The following PLXNB2 variants were observed in gnomAD, a reference collection of about 807,000 sequenced individuals.
The protein encoded by PLXNB2 is plexin-B2.
Under a neutral mutation model 202.6 loss-of-function variants are expected in PLXNB2, and 85 were observed. The ratio of observed to expected loss-of-function variants is 0.42; its 90% CI spans 0.35 to 0.50. The LOEUF (loss-of-function observed/expected upper bound fraction) is 0.50, where lower values mean the gene tolerates loss of function less well. PLXNB2 is among the 20% of genes least tolerant of loss of function. PLXNB2 has a pLI of 0.02. For synonymous variants in PLXNB2, 1,239 were observed against 1,137.6 expected, an observed-to-expected ratio of 1.09 and a Z score of -1.79; for missense variants, 2,063 against 2,586.2, an observed-to-expected ratio of 0.80 and a Z score of 4.39.
In PLXNB2 at chr22:50,278,706, G is replaced by A; in HGVS notation, c.4547-10C>T. The A allele has an allele frequency of 6.2e-7, 1 of 1,606,308 alleles. No homozygotes were observed. The highest frequency in any genetic ancestry group is 8.5e-7 in the Non-Finnish European group (1 of 1,177,228). On this transcript the variant is annotated splice_polypyrimidine_tract_variant and intron_variant, in intron 28 of 36. Transcript: ENST00000359337. Reference sequence around the variant, plus strand: ...GAGCCCGGACGCCACTCTGTGGGAAGAGACAGCCCAGCTTGGGCCCCAGCC... The same window carrying A: ...GAGCCCGGACGCCACTCTGTGGGAAAAGACAGCCCAGCTTGGGCCCCAGCC...
chr22:50,287,626 G>C, intron 7 of PLXNB2, 41 bp downstream of exon 7: 2 of 1,514,416 alleles, frequency 1.3e-6, no homozygotes, highest in Non-Finnish European at 1.8e-6. Context: ...CACCTGGCCC[G>C]GCCTGGGGCC....
At chr22:50,299,359 C>G (rs1401980783) in intron 1 of PLXNB2, among the ~76,000 whole-genome samples, 1 of 151,874 alleles carries the variant, frequency 6.6e-6, no homozygotes, top group Non-Finnish European at 1.5e-5. Flanking sequence ...GAGCGATAGG[C>G]TGCCCCAAGC....
chr22:50,288,031 G>A lies in PLXNB2; in HGVS notation c.1387C>T (p.Arg463Trp), dbSNP rs988685059. Residue 463 changes from arginine (R) to tryptophan (W), a missense_variant, in exon 6 of 37, where the codon CGG (arginine) becomes TGG (tryptophan). This residue lies in a region of PLXNB2 where 1,303 missense variants were observed against 1,476.8 expected (regional missense o/e 0.88). Transcript: ENST00000359337. The surrounding 1 kb of genome is among the most constrained non-coding windows in gnomAD (Gnocchi z 5.0). ...LYAMTQDKVF[R>W]LPVQECLSYP... ...CTCAGGCACTCCTGCACCGGCAGCC[G>A]GAACACCTAGGGCAGCGGGGCCGTG... 2.8e-5 allele frequency: 44 copies of A among 1,557,258 alleles called. No homozygotes were observed. Among genetic ancestry groups the A allele is most frequent in the African/African-American group, 6.8e-5 (5 of 73,270 alleles).
At position 50,306,772 on chromosome 22, in the gene PLXNB2, G is replaced by A. The variant is rs552790631; in HGVS notation, c.-74+781C>T. On this transcript the variant is annotated intron_variant, in intron 1 of 36. Transcript: ENST00000359337. Reference sequence around the variant, plus strand: ...CTGCCACAGCCCACAGTGGGCAGACGGACCCCTTTCTTCCTTTCCCAGGGA... The same window carrying A: ...CTGCCACAGCCCACAGTGGGCAGACAGACCCCTTTCTTCCTTTCCCAGGGA... Among the ~76,000 whole-genome samples the A allele has an allele frequency of 3.8e-4, 58 of 152,190 alleles. 1 individual carries two copies. The highest frequency in any genetic ancestry group is 6.2e-4 in the South Asian group (3 of 4,826).
At position 50,282,391 on chromosome 22, in the gene PLXNB2, C is replaced by T. The variant is rs373002205; in HGVS notation, c.2988-78G>A. The T allele has an allele frequency of 7.5e-3, 11,042 of 1,478,654 alleles. 63 individuals are homozygous for T. The highest frequency in any genetic ancestry group is 9.4e-3 in the Non-Finnish European group (10,352 of 1,101,610). The allele number at this position is 1,478,654 out of a possible 1,614,324, so 91.6% of individuals were successfully genotyped here. On this transcript the variant is annotated intron_variant, in intron 18 of 36. Transcript: ENST00000359337. ...CCTCCGCCCTCCCGTCCCCGCCCAC[C>T]CTGGCCCTGACCACACGGGGCTTCC...
In PLXNB2 at chr22:50,302,620, T is replaced by A. The variant is rs538380935; in HGVS notation, c.-74+4933A>T. On this transcript the variant is annotated intron_variant, in intron 1 of 36. Transcript: ENST00000359337. Reference sequence around the variant, plus strand: ...TAACATCCTTTTCTCCTGAAGTCCCTCAGGGTGGTCACCAGATCAGGCTCG... The same window carrying A: ...TAACATCCTTTTCTCCTGAAGTCCCACAGGGTGGTCACCAGATCAGGCTCG... 5.6e-4 allele frequency among the ~76,000 whole-genome samples: 86 copies of A among 152,234 alleles called. 1 individual carries two copies. In the South Asian group the frequency reaches 0.017, roughly 31 times the overall value.
In PLXNB2 at chr22:50,285,796, G is replaced by A. The variant is rs1421837954; in HGVS notation, c.2088+4C>T. ...GTCACCAGCCGGCACCCCTCCCTCCGCACCTTCACGGTGTCCAGGTTCTTG... is the reference window on the plus strand; with the variant it reads ...GTCACCAGCCGGCACCCCTCCCTCCACACCTTCACGGTGTCCAGGTTCTTG... On this transcript the variant is annotated splice_donor_region_variant and intron_variant, in intron 11 of 36. Coordinates refer to ENST00000359337, the MANE Select transcript of PLXNB2 (RefSeq NM_012401.4). 3.8e-6 allele frequency: 6 copies of A among 1,597,402 alleles called. No individual in the cohort carries two copies. Among genetic ancestry groups the A allele is most frequent in the Non-Finnish European group, 5.1e-6 (6 of 1,170,468 alleles).
chr22:50,300,052 G>A (rs1348075337), intron 1 of PLXNB2, among the ~76,000 whole-genome samples: 1 of 152,108 alleles, frequency 6.6e-6, no homozygotes, highest in African/African-American at 2.4e-5. Flanking sequence ...CCCCCCGCGA[G>A]CCCAAGCTCC....
At position 50,297,554 on chromosome 22, in the gene PLXNB2, C is replaced by T. The variant is rs1202176415; in HGVS notation, c.-73-2776G>A. Reference sequence around the variant, plus strand: ...CCTGGCCCAAGTCTACCTCCTCTGCCCGGCCTCTGGCTTCTCCCACCTCCA... The same window carrying T: ...CCTGGCCCAAGTCTACCTCCTCTGCTCGGCCTCTGGCTTCTCCCACCTCCA... On this transcript the variant is annotated intron_variant, in intron 1 of 36. Transcript: ENST00000359337. This position sits in a 1 kb window ranked among gnomAD's most constrained non-coding sequence, Gnocchi z 5.3. Among the ~76,000 whole-genome samples the T allele has an allele frequency of 6.6e-6, 1 of 152,184 alleles. No individual in the cohort carries two copies. The highest frequency in any genetic ancestry group is 1.5e-5 in the Non-Finnish European group (1 of 68,032).
rs991634483 is a variant in PLXNB2, at chr22:50,291,647, T to C, written c.-13-1050A>G. On this transcript the variant is annotated intron_variant, in intron 2 of 36. Transcript: ENST00000359337. The surrounding 1 kb of genome is among the most constrained non-coding windows in gnomAD (Gnocchi z 4.3). ...GACACAAGTGGCAGAGACAGGGCCC[T>C]TCTGCCTCTGAGCTCTTCCTCAGGG... is the stretch of plus-strand genomic sequence containing the variant. 4.6e-5 allele frequency among the ~76,000 whole-genome samples: 7 copies of C among 152,074 alleles called. No individual in the cohort carries two copies. The highest frequency in any genetic ancestry group is 1.7e-4 in the African/African-American group (7 of 41,398).
chr22:50,275,955 C>T lies in PLXNB2; in HGVS notation c.5346G>A (p.Thr1782=), dbSNP rs758097644. 1.3e-5 allele frequency: 21 copies of T among 1,612,394 alleles called. No homozygotes were observed. Among genetic ancestry groups the T allele is most frequent in the East Asian group, 6.7e-5 (3 of 44,872 alleles). The change falls in exon 36 of 37, where the codon ACG becomes ACA. Residue 1782 remains threonine (T), a synonymous_variant. Coordinates refer to ENST00000359337, the MANE Select transcript of PLXNB2 (RefSeq NM_012401.4). The stretch of plus-strand genomic sequence containing the variant: ...GTGCCACGAGGGTGTTCAAGGAGTC[C>T]GTGTGCGCCTGGGGGGTGACGGGAC... ...THLAEISRAH[T]DSLNTLVALH...
chr22:50,282,662 GGC>G lies in PLXNB2; in HGVS notation c.2987+47_2987+48del, dbSNP rs2066090822. 4 of 1,362,128 alleles carry G rather than the reference GGC, an allele frequency of 2.9e-6. No homozygotes were observed. The East Asian group carries it at 9.8e-5, about 33-fold the overall frequency. The allele number at this position is 1,362,128 out of a possible 1,614,324, so 84.4% of individuals were successfully genotyped here. ...CACAGTCAGCCAAGGGCACTGAGGA[GGC>G]AGCTGGGTGTGGGGAGCAGAGGGGG... On this transcript the variant is annotated intron_variant, in intron 18 of 36. Transcript: ENST00000359337.
intron 25 of PLXNB2, 129 bp downstream of exon 25, chr22:50,280,360 A>T: frequency 1.2e-6 from 1 of 854,138 alleles, no homozygotes; most frequent in Non-Finnish European, 1.7e-6. Context: ...ACCGCCCCCC[A>T]CCACCAGCGC....
chr22:50,300,531 C>G (rs538045070), intron 1 of PLXNB2, among the ~76,000 whole-genome samples: 3 of 152,280 alleles, frequency 2.0e-5, no homozygotes, highest in Admixed American at 2.0e-4. Flanking sequence ...CGGCACAACC[C>G]GACCTAGGAG....
intron 7 of PLXNB2, 83 bp downstream of exon 7, chr22:50,287,584 T>G: frequency 7.4e-7 from 1 of 1,343,900 alleles, no homozygotes; most frequent in Non-Finnish European, 1.0e-6. Context: ...CTCCCCTGCC[T>G]GTCCCAACAG....
At chr22:50,295,010 C>T (rs1257599304) in intron 1 of PLXNB2, among the ~76,000 whole-genome samples, 1 of 152,194 alleles carries the variant, frequency 6.6e-6, no homozygotes, top group African/African-American at 2.4e-5. Context: ...ATGGCTATTA[C>T]TTTGCTTAAA....
intron 8 of PLXNB2, 35 bp from the exon 9 acceptor site, chr22:50,286,322 G>A (rs201498899): frequency 2.1e-5 from 31 of 1,500,346 alleles, no homozygotes; most frequent in Non-Finnish European, 2.6e-5. Context: ...TCAAGGTGGC[G>A]GCCGCAGGGC....
At chr22:50,282,112 G>A (rs760241347) in intron 19 of PLXNB2, 31 bp from the exon 20 acceptor site, 8 of 1,605,888 alleles carry the variant, frequency 5.0e-6, no homozygotes, top group Non-Finnish European at 5.1e-6. Flanking sequence ...TCAGCCCCCG[G>A]GCGCAGACCC....
In PLXNB2 at chr22:50,281,342, G is replaced by GC. The variant is rs1454464765; in HGVS notation, c.3662+17dup. ...GCCGAGGGCTCAGGGTGTTGGCACA[G>GC]CCGGGGGGCGGGCTCACCAGTAGCA... On this transcript the variant is annotated intron_variant, in intron 22 of 36. Transcript: ENST00000359337. The GC allele has an allele frequency of 1.9e-6, 3 of 1,610,696 alleles. No homozygotes were observed. Among genetic ancestry groups the GC allele is most frequent in the East Asian group, 2.2e-5 (1 of 44,790 alleles).
Sources: allele counts gnomAD v4.1 joint callset (sites outside exome capture counted in the v4.1 genomes callset), GRCh38; gene constraint gnomAD v4.1.1; regional missense constraint gnomAD v4.1.1; non-coding constraint Gnocchi (gnomAD v3.1); transcripts MANE v1.5; gene names NCBI Gene and HGNC (gene_info 2026-07-23, HGNC 2026-07-21).